Variants in PPP1R12B observed in about 807,000 individuals in gnomAD.
The protein encoded by PPP1R12B is myosin phosphatase target subunit 2.
In PPP1R12B, 76 loss-of-function variants were observed where a neutral mutation model predicts 126.1. The ratio of observed to expected loss-of-function variants is 0.60; its 90% confidence interval spans 0.50 to 0.73. The LOEUF (loss-of-function observed/expected upper bound fraction) is 0.73. PPP1R12B is among the 30% of genes least tolerant of loss of function. PPP1R12B has a pLI of 0.00. For missense variants in PPP1R12B, 1,052 were observed against 1,205.1 expected (o/e 0.87, Z 1.88); for synonymous variants, 356 against 434.7 (o/e 0.82, Z 2.25).
At chr1:202,517,232 T>C (rs1293857893) in intron 18 of PPP1R12B, among the ~76,000 whole-genome samples, 1 of 151,886 alleles carries the variant, frequency 6.6e-6, no homozygotes, top group Non-Finnish European at 1.5e-5. Context: ...TCCTGCCAGC[T>C]CTCCCCTCCC....
At chr1:202,480,988 G>GTT in intron 13 of PPP1R12B, among the ~76,000 whole-genome samples, 1 of 152,102 alleles carries the variant, frequency 6.6e-6, no homozygotes, top group South Asian at 2.1e-4. Flanking sequence ...CATGGGGTGT[G>GTT]GGGGGCAGTG....
At position 202,576,804 on chromosome 1, in the gene PPP1R12B, C is replaced by T. The variant is rs375631858; in HGVS notation, c.2863-3670C>T. On this transcript the variant is annotated intron_variant, in intron 23 of 23. Coordinates refer to ENST00000608999, the MANE Select transcript of PPP1R12B (RefSeq NM_002481.4). ...TATATAGTTTTTCTCATTTATTCCC[C>T]AAAACAATTATTGTAAAAATGAAAA... 7 of 143,914 alleles carry T rather than the reference C, an allele frequency of 4.9e-5. No homozygotes were observed. In the East Asian group the frequency reaches 1.3e-3, roughly 26 times the overall value. The allele number at this position is 143,914 out of a possible 1,614,324, so 8.9% of individuals were successfully genotyped here.
At chr1:202,410,781 A>G (rs1247968979) in intron 1 of PPP1R12B, among the ~76,000 whole-genome samples, 1 of 152,222 alleles carries the variant, frequency 6.6e-6, no homozygotes, top group Non-Finnish European at 1.5e-5. Flanking sequence ...GTTTTTCTAA[A>G]TAGTTCCTTC....
At chr1:202,420,245 A>G (rs1490192620) in intron 2 of PPP1R12B, among the ~76,000 whole-genome samples, 1 of 152,192 alleles carries the variant, frequency 6.6e-6, no homozygotes, top group Non-Finnish European at 1.5e-5. Flanking sequence ...GCATCGAGGT[A>G]CAGTGTAAGT....
intron 13 of PPP1R12B, among the ~76,000 whole-genome samples, chr1:202,462,312 T>C (rs1674408638): frequency 6.6e-6 from 1 of 152,158 alleles, no homozygotes; most frequent in African/African-American, 2.4e-5. Context: ...ATTTTCTTTT[T>C]TCCGTATTTC....
At position 202,503,782 on chromosome 1, in the gene PPP1R12B, C is replaced by CT. The variant is rs748107838; in HGVS notation, c.2490+6973dup. On this transcript the variant is annotated intron_variant, in intron 18 of 23. Coordinates refer to ENST00000608999, the MANE Select transcript of PPP1R12B (RefSeq NM_002481.4). The stretch of plus-strand genomic sequence containing the variant: ...AGTTTTATCATTGTTCTTATTTTAC[C>CT]TTTTTTTTTTTTTCAAGGGCTATTT... 5.1e-3 allele frequency among the ~76,000 whole-genome samples: 741 copies of CT among 143,904 alleles called. 2 individuals are homozygous for CT. Among genetic ancestry groups the CT allele is most frequent in the African/African-American group, 6.1e-3 (242 of 39,552 alleles). The allele number at this position is 143,904 out of a possible 152,430, so 94.4% of individuals were successfully genotyped here. A position where few individuals can be genotyped will look rare whatever the true frequency, so the allele number is the denominator to read the frequency against.
At chr1:202,505,605 C>T (rs747296879) in intron 18 of PPP1R12B, among the ~76,000 whole-genome samples, 16 of 152,036 alleles carry the variant, frequency 1.1e-4, no homozygotes, top group African/African-American at 2.4e-4. Flanking sequence ...CTCTGGGGCT[C>T]GATTGCCTAA....
chr1:202,436,691 GCT>G (rs1670865321), intron 9 of PPP1R12B, among the ~76,000 whole-genome samples: 1 of 152,088 alleles, frequency 6.6e-6, no homozygotes, highest in Admixed American at 6.5e-5. Context: ...GACAATGTAA[GCT>G]TTCCATAAAG....
At chr1:202,378,247 C>CTTTTTTTTTTTTTTTT (rs386369339) in intron 1 of PPP1R12B, among the ~76,000 whole-genome samples, 3 of 93,388 alleles carry the variant, frequency 3.2e-5, no homozygotes, top group African/African-American at 8.3e-5. Flanking sequence ...TGTCTTCATT[C>CTTTTTTTTTTTTTTTT]TTTTTTTTTT....
At chr1:202,555,958 C>T (rs1414032266) in intron 18 of PPP1R12B, among the ~76,000 whole-genome samples, 1 of 151,854 alleles carries the variant, frequency 6.6e-6, no homozygotes, top group Non-Finnish European at 1.5e-5. Flanking sequence ...TCACTGCAAC[C>T]TCTACCTCCT....
rs1655370689 is a variant in PPP1R12B, at chr1:202,348,755, C to A, written c.-97C>A. ...GCGCGAGGGTCTCCGCCCTCTGCTC[C>A]GGGCTGAAGCGCTCTGAGAGAGGCG... On this transcript the variant is annotated 5_prime_UTR_variant, in exon 1 of 24. Coordinates refer to ENST00000608999, the MANE Select transcript of PPP1R12B (RefSeq NM_002481.4). 7.0e-7 allele frequency: 1 copy of A among 1,431,756 alleles called. No homozygotes were observed. Among genetic ancestry groups the A allele is most frequent in the African/African-American group, 1.4e-5 (1 of 69,656 alleles). 88.7% of individuals were successfully genotyped at this position (1,431,756 alleles called of 1,614,324 possible). A position where few individuals can be genotyped will look rare whatever the true frequency, so the allele number is the denominator to read the frequency against.
rs67919482 is a variant in PPP1R12B at position 202,588,824 on chromosome 1, A to AAGATAGATAGATAGATAGATAGAT, written c.*8290_*8313dup. ...CTAGATTGGCGTTCAAAAGAACCGT[A>AAGATAGATAGATAGATAGATAGAT]AGATAGATAGATAGATAGATAGATA... is the stretch of plus-strand genomic sequence containing the variant. On this transcript the variant is annotated 3_prime_UTR_variant, in exon 24 of 24. Transcript: ENST00000608999. 2.9e-4 allele frequency: 42 copies of AAGATAGATAGATAGATAGATAGAT among 144,230 alleles called. No individual in the cohort carries two copies. The highest frequency in any genetic ancestry group is 8.2e-4 in the East Asian group (4 of 4,896). The allele number at this position is 144,230 out of a possible 1,614,324, so 8.9% of individuals were successfully genotyped here.
intron 13 of PPP1R12B, among the ~76,000 whole-genome samples, chr1:202,458,042 C>CT (rs1322057404): frequency 1.3e-5 from 2 of 152,066 alleles, no homozygotes; most frequent in African/African-American, 2.4e-5. Context: ...TCATTCCTCT[C>CT]TGGGGAATGG....
chr1:202,383,905 C>T (rs1662733391), intron 1 of PPP1R12B, among the ~76,000 whole-genome samples: 1 of 152,106 alleles, frequency 6.6e-6, no homozygotes, highest in Non-Finnish European at 1.5e-5. Context: ...TACTGATGGA[C>T]ATGTAAGTTG....
chr1:202,447,374 C>T (rs559899099), intron 12 of PPP1R12B, among the ~76,000 whole-genome samples: 1 of 152,286 alleles, frequency 6.6e-6, no homozygotes, highest in Non-Finnish European at 1.5e-5. Flanking sequence ...CCTATTTTGT[C>T]ACTGTTTGTA....
intron 18 of PPP1R12B, among the ~76,000 whole-genome samples, chr1:202,507,061 A>C (rs1213373822): frequency 6.6e-6 from 1 of 152,214 alleles, no homozygotes; most frequent in Admixed American, 6.5e-5. Context: ...GTCTAAAACC[A>C]AACTTGATTT....
intron 20 of PPP1R12B, among the ~76,000 whole-genome samples, chr1:202,563,403 C>T (rs957204393): frequency 1.3e-5 from 2 of 152,218 alleles, no homozygotes; most frequent in East Asian, 1.9e-4. Context: ...AGACGTGAGC[C>T]ACCATGCCCA....
chr1:202,430,466 T>TG (rs939847434), intron 6 of PPP1R12B, among the ~76,000 whole-genome samples: 3 of 152,026 alleles, frequency 2.0e-5, no homozygotes, highest in African/African-American at 7.2e-5. Flanking sequence ...CTAGACTTTT[T>TG]TTTTTGAAGA....
At chr1:202,415,178 A>G (rs577763029) in intron 1 of PPP1R12B, among the ~76,000 whole-genome samples, 1 of 150,846 alleles carries the variant, frequency 6.6e-6, no homozygotes, top group South Asian at 2.1e-4. Flanking sequence ...TAAAAAAAAC[A>G]TTTCTACTAC....
Sources: gnomAD v4.1 joint callset for allele counts (sites outside exome capture counted in the v4.1 genomes callset) on GRCh38, gnomAD v4.1.1 for gene constraint, MANE v1.5 for transcripts, NCBI Gene and HGNC (gene_info 2026-07-23, HGNC 2026-07-21) for gene names.